The following SRGAP3 variants were observed in gnomAD, a reference collection of about 807,000 sequenced individuals.
SRGAP3 encodes the protein SLIT-ROBO Rho GTPase-activating protein 3.
In SRGAP3, 39 loss-of-function variants were observed where a neutral mutation model predicts 121.1. That is an observed-to-expected ratio of 0.32 (90% confidence interval 0.25 to 0.42). The LOEUF (loss-of-function observed/expected upper bound fraction) is 0.42. Among genes scored for constraint, SRGAP3 ranks in the 10% least tolerant of loss-of-function variants. The pLI is 1.00. For missense variants in SRGAP3, 1,213 were observed against 1,470.6 expected, an observed-to-expected ratio of 0.82 and a Z score of 2.86; for synonymous variants, 601 against 570.0, an observed-to-expected ratio of 1.05 and a Z score of -0.77.
At chr3:9,243,993 A>G (rs1953739078) in intron 1 of SRGAP3, among the ~76,000 whole-genome samples, 1 of 152,202 alleles carries the variant, frequency 6.6e-6, no homozygotes, top group African/African-American at 2.4e-5. Flanking sequence ...CTGGAGCAGC[A>G]TCTGCCTTCT....
chr3:9,046,114 T>A, intron 10 of SRGAP3, among the ~76,000 whole-genome samples: 2 of 149,902 alleles, frequency 1.3e-5, no homozygotes, highest in Non-Finnish European at 3.0e-5. Flanking sequence ...TCTTCCCCCC[T>A]CCTACCCCCT....
In SRGAP3 at chr3:8,983,093, C is replaced by A. The variant is rs761378810; in HGVS notation, c.*2426G>T. 1.3e-5 allele frequency: 3 copies of A among 226,678 alleles called. No homozygotes were observed. The highest frequency in any genetic ancestry group is 4.5e-5 in the African/African-American group (2 of 44,908). The allele number at this position is 226,678 out of a possible 1,614,324, so 14.0% of individuals were successfully genotyped here. On this transcript the variant is annotated 3_prime_UTR_variant, in exon 22 of 22. Transcript: ENST00000383836. Reference sequence around the variant, plus strand: ...TACTGGATTTAGGATCTGGGAGTATCTTGAGGGTAGAAATCAGAAGTCTTG... The same window carrying A: ...TACTGGATTTAGGATCTGGGAGTATATTGAGGGTAGAAATCAGAAGTCTTG...
At chr3:9,353,334 G>A (rs1032110512) in intron 1 of SRGAP3, among the ~76,000 whole-genome samples, 10 of 152,262 alleles carry the variant, frequency 6.6e-5, no homozygotes, top group African/African-American at 2.4e-4. Context: ...CAAAAGCAGT[G>A]TTTCAGCAGG....
chr3:9,154,961 A>T (rs572208346), intron 1 of SRGAP3, among the ~76,000 whole-genome samples: 2 of 151,198 alleles, frequency 1.3e-5, no homozygotes, highest in African/African-American at 4.9e-5. Context: ...TATTTCATCA[A>T]TCTCCAGGCT....
chr3:9,312,437 G>A (rs111249996), intron 3 of SRGAP3, among the ~76,000 whole-genome samples: 10,321 of 152,258 alleles, frequency 0.068, 792 homozygotes, highest in African/African-American at 0.19. Context: ...GATTACAGGC[G>A]TGAGCCACCG....
intron 1 of SRGAP3, among the ~76,000 whole-genome samples, chr3:9,178,867 T>C (rs1486926491): frequency 1.3e-5 from 2 of 152,180 alleles, no homozygotes; most frequent in African/African-American, 4.8e-5. Flanking sequence ...CTAATTTCCT[T>C]CTGTGGCCAG....
intron 1 of SRGAP3, among the ~76,000 whole-genome samples, chr3:9,353,341 C>T (rs2030300799): frequency 6.6e-6 from 1 of 152,238 alleles, no homozygotes. Context: ...AGTGTTTCAG[C>T]AGGAGGAACC....
At chr3:9,091,744 C>G (rs1485740048) in intron 3 of SRGAP3, among the ~76,000 whole-genome samples, 4 of 152,160 alleles carry the variant, frequency 2.6e-5, no homozygotes, top group Non-Finnish European at 5.9e-5. Flanking sequence ...ATCCCGGCGC[C>G]AACCTCTGCT....
intron 10 of SRGAP3, among the ~76,000 whole-genome samples, chr3:9,042,893 T>A (rs1395357634): frequency 2.6e-5 from 4 of 152,156 alleles, no homozygotes; most frequent in Admixed American, 1.3e-4. Flanking sequence ...TACCCTTCTC[T>A]CAATTCTTCT....
chr3:9,038,905 C>T (rs1051346604), intron 10 of SRGAP3, among the ~76,000 whole-genome samples: 3 of 152,186 alleles, frequency 2.0e-5, no homozygotes, highest in African/African-American at 4.8e-5. Flanking sequence ...GCTTTTAACC[C>T]TTCTGTTGAC....
At chr3:9,231,097 C>G (rs1048680211) in intron 1 of SRGAP3, among the ~76,000 whole-genome samples, 1 of 152,172 alleles carries the variant, frequency 6.6e-6, no homozygotes, top group African/African-American at 2.4e-5. Context: ...TGTCGAGCCA[C>G]TGGAAGTTTT....
chr3:9,121,581 T>C (rs1949005909), intron 2 of SRGAP3, among the ~76,000 whole-genome samples: 1 of 152,174 alleles, frequency 6.6e-6, no homozygotes, highest in Non-Finnish European at 1.5e-5. Flanking sequence ...ACTTTCATAG[T>C]GCGTCAGGCA....
At chr3:9,254,372 T>A (rs1412679920), upstream of SRGAP3, among the ~76,000 whole-genome samples, 1 of 152,200 alleles carries the variant, frequency 6.6e-6, no homozygotes, top group Non-Finnish European at 1.5e-5. Flanking sequence ...ATATGAAATA[T>A]CCAGAATAGA....
chr3:9,326,639 C>T (rs1002005744), intron 2 of SRGAP3, among the ~76,000 whole-genome samples: 11 of 151,720 alleles, frequency 7.3e-5, no homozygotes, highest in African/African-American at 2.2e-4. Flanking sequence ...AATTTAGGTG[C>T]ACAGCAGTGA....
chr3:9,226,363 G>T lies in SRGAP3; in HGVS notation c.67+22522C>A, dbSNP rs187944112. ...TGGCAGAGACCTTCTAAGTCACCTA[G>T]AACAAATCTCCCTCTGATGCCTAAA... On this transcript the variant is annotated intron_variant, in intron 1 of 21. Transcript: ENST00000383836. 1.4e-4 allele frequency among the ~76,000 whole-genome samples: 21 copies of T among 152,290 alleles called. 1 individual carries two copies. In the East Asian group the frequency reaches 4.1e-3, roughly 29 times the overall value.
chr3:9,052,972 G>C, intron 9 of SRGAP3, 55 bp downstream of exon 9: 1 of 1,608,334 alleles, frequency 6.2e-7, no homozygotes, highest in South Asian at 1.1e-5. Flanking sequence ...CTCCTGAAAA[G>C]TCACTGCCAG....
chr3:9,117,139 G>A (rs1241741752), intron 2 of SRGAP3, among the ~76,000 whole-genome samples: 3 of 152,222 alleles, frequency 2.0e-5, no homozygotes, highest in African/African-American at 7.2e-5. Flanking sequence ...TAATAGCTGT[G>A]AATGGAGACA....
rs975791220 is a variant in SRGAP3 at position 8,982,093 on chromosome 3, A to G, written c.*3426T>C. ...ACAGCTTGTTCTCAATTTTATCCAA[A>G]AAGCTCTTTAGTGGCAGCTGAGCCA... On this transcript the variant is annotated 3_prime_UTR_variant, in exon 22 of 22. Transcript: ENST00000383836. 2.7e-5 allele frequency: 6 copies of G among 225,978 alleles called. No homozygotes were observed. The highest frequency in any genetic ancestry group is 5.3e-5 in the Non-Finnish European group (6 of 113,306). The allele number at this position is 225,978 out of a possible 1,614,324, so 14.0% of individuals were successfully genotyped here.
rs577696956 is a variant in SRGAP3, at chr3:9,313,851, G to A, written n.442+12159C>T. 8.6e-5 allele frequency among the ~76,000 whole-genome samples: 13 copies of A among 152,020 alleles called. No homozygotes were observed. The South Asian group carries it at 1.9e-3, about 22-fold the overall frequency. On this transcript the variant is annotated intron_variant and non_coding_transcript_variant, in intron 3 of 3. Coordinates refer to the SRGAP3 transcript ENST00000490889. Reference sequence around the variant, plus strand: ...CTCTACTAAAATACAAAAATTAGCCGGGTGTGGTGGCATGCGCCTGCAGTC... The same window carrying A: ...CTCTACTAAAATACAAAAATTAGCCAGGTGTGGTGGCATGCGCCTGCAGTC...
Sources: allele counts gnomAD v4.1 joint callset (sites outside exome capture counted in the v4.1 genomes callset), GRCh38; gene constraint gnomAD v4.1.1; transcripts MANE v1.5; gene names NCBI Gene and HGNC (gene_info 2026-07-23, HGNC 2026-07-21).